Variants in NUP107 observed in about 807,000 individuals in gnomAD.
The protein encoded by NUP107 is nuclear pore complex protein Nup107.
A neutral mutation model predicts 141.0 loss-of-function variants in NUP107; 101 were observed. That is an observed-to-expected ratio of 0.72 (90% CI 0.61 to 0.84). NUP107 has a LOEUF of 0.84. Among genes scored for constraint, NUP107 ranks in the 40% least tolerant of loss-of-function variants. The probability of loss-of-function intolerance (pLI) is 0.00; values close to 1 mark genes in which losing one functional copy is unlikely to be tolerated. For missense variants in NUP107, 941 were observed against 1,102.7 expected, an observed-to-expected ratio of 0.85 and a Z score of 2.08; for synonymous variants, 319 against 363.9, an observed-to-expected ratio of 0.88 and a Z score of 1.41.
chr12:68,711,977 C>G (rs1355415156), intron 10 of NUP107, among the ~76,000 whole-genome samples: 1 of 152,132 alleles, frequency 6.6e-6, no homozygotes, highest in African/African-American at 2.4e-5. Context: ...GTCAAGAAGA[C>G]ACTTCTGTCC....
chr12:68,713,325 T>C (rs1390872021), intron 10 of NUP107, among the ~76,000 whole-genome samples: 1 of 147,740 alleles, frequency 6.8e-6, no homozygotes. Context: ...CAGTGAGTCA[T>C]GATTGTGCCA....
chr12:68,722,052 A>G (rs1473032474), intron 16 of NUP107, 52 bp from the exon 17 acceptor site: 7 of 1,609,874 alleles, frequency 4.3e-6, no homozygotes, highest in Admixed American at 1.7e-5. Flanking sequence ...TTCGTTTTAC[A>G]CCCCTTTTTC....
chr12:68,734,766 C>T lies in NUP107; in HGVS notation c.2321C>T (p.Pro774Leu), dbSNP rs1181383149. The T allele has an allele frequency of 1.9e-6, 3 of 1,613,336 alleles. No homozygotes were observed. The highest frequency in any genetic ancestry group is 2.5e-6 in the Non-Finnish European group (3 of 1,179,634). The stretch of plus-strand genomic sequence containing the variant: ...CATATGAATTCAGTTCCACAAAAAC[C>T]TGCTTTGATACCTCAACCAACTTTT... ...FKHMNSVPQK[P>L]ALIPQPTFTE... The change falls in exon 25 of 28, where the codon CCT becomes CTT. Residue 774 changes from proline (P) to leucine (L), a missense_variant. Coordinates refer to ENST00000229179, the MANE Select transcript of NUP107 (RefSeq NM_020401.4).
At chr12:68,689,427 G>C (rs1875667618) in intron 2 of NUP107, 106 bp from the exon 3 acceptor site, 1 of 676,022 alleles carries the variant, frequency 1.5e-6, no homozygotes, top group Non-Finnish European at 2.5e-6. Context: ...TAAAATACTT[G>C]TTCTTGAAAA....
rs1876989480 is a variant in NUP107 at position 68,713,883 on chromosome 12, TG to T, written c.969+77del. 38 of 1,177,238 alleles carry T rather than the reference TG, an allele frequency of 3.2e-5. 2 individuals carry two copies. The South Asian group carries it at 3.9e-4, about 12-fold the overall frequency. The allele number at this position is 1,177,238 out of a possible 1,614,324, so 72.9% of individuals were successfully genotyped here. A position where few individuals can be genotyped will look rare whatever the true frequency, so the allele number is the denominator to read the frequency against. ...TTTTCAGGCTGAGAATTTTTTCTCGTGGATCTTTGTTTTGCTCTTCTAAAGG... is the reference window on the plus strand; with the variant it reads ...TTTTCAGGCTGAGAATTTTTTCTCGTGATCTTTGTTTTGCTCTTCTAAAGG... On this transcript the variant is annotated intron_variant, in intron 11 of 27. Transcript: ENST00000229179.
intron 7 of NUP107, among the ~76,000 whole-genome samples, chr12:68,701,966 T>C (rs1241643192): frequency 6.6e-6 from 1 of 151,678 alleles, no homozygotes; most frequent in African/African-American, 2.4e-5. Flanking sequence ...CTGGCCACCA[T>C]GCCTAGCTAA....
Position 68,719,666 on chromosome 12 carries a change from A to T in NUP107, c.1251+12A>T. ...GAATGGCAGAAGATGTAAGATAAAT[A>T]AAATATTCAGTGATACTGTTTTTAA... On this transcript the variant is annotated intron_variant, in intron 14 of 27. Coordinates refer to ENST00000229179, the MANE Select transcript of NUP107 (RefSeq NM_020401.4). 1 of 1,570,710 alleles carries T rather than the reference A, an allele frequency of 6.4e-7. No homozygotes were observed. Among genetic ancestry groups the T allele is most frequent in the Non-Finnish European group, 8.8e-7 (1 of 1,140,844 alleles).
intron 7 of NUP107, 152 bp from the exon 8 acceptor site, chr12:68,702,584 A>T (rs1217928032): frequency 1.9e-6 from 1 of 524,572 alleles, no homozygotes; most frequent in Non-Finnish European, 3.4e-6. Flanking sequence ...ATTTTTGTTT[A>T]CAAAAATACA....
At position 68,726,616 on chromosome 12, in the gene NUP107, A is replaced by C. The variant is rs202152844; in HGVS notation, c.1694A>C (p.Lys565Thr). Residue 565 changes from lysine (K) to threonine (T), a missense_variant and splice_region_variant, in exon 19 of 28, where the codon AAG (lysine) becomes ACG (threonine). Physicochemically the swap from Lys to Thr is moderately conservative, Grantham distance 78. Transcript: ENST00000229179. ...LFFRTLGLQT[K>T]EEVSIEVLKT... Reference sequence around the variant, plus strand: ...TTCCGTACTCTGGGACTACAGACCAAGGTATATAAAAATGAACGATTTCTT... The same window carrying C: ...TTCCGTACTCTGGGACTACAGACCACGGTATATAAAAATGAACGATTTCTT... 3.8e-6 allele frequency: 6 copies of C among 1,576,166 alleles called. No individual in the cohort carries two copies. The African/African-American group carries it at 8.1e-5, about 21-fold the overall frequency.
intron 6 of NUP107, among the ~76,000 whole-genome samples, chr12:68,699,369 C>G (rs1212038079): frequency 6.6e-6 from 1 of 151,754 alleles, no homozygotes; most frequent in Non-Finnish European, 1.5e-5. Flanking sequence ...TGAGACTCCT[C>G]CGTCTCAAAA....
chr12:68,695,135 A>T (rs1028741817), intron 5 of NUP107, among the ~76,000 whole-genome samples: 1 of 152,230 alleles, frequency 6.6e-6, no homozygotes, highest in African/African-American at 2.4e-5. Context: ...ATTGACAACA[A>T]TGTGGAGAAA....
In NUP107 at chr12:68,729,794, C is replaced by CT. The variant is rs1253432702; in HGVS notation, c.1735-1302dup. ...CTAGGCTATTAATTTGTTTGTGAGTCTTTTTTTTTTTTTTGAGACGGAGTC... is the reference window on the plus strand; with the variant it reads ...CTAGGCTATTAATTTGTTTGTGAGTCTTTTTTTTTTTTTTTGAGACGGAGTC... On this transcript the variant is annotated intron_variant, in intron 20 of 27. Coordinates refer to ENST00000229179, the MANE Select transcript of NUP107 (RefSeq NM_020401.4). 1.2e-3 allele frequency among the ~76,000 whole-genome samples: 152 copies of CT among 128,218 alleles called. 1 individual carries two copies. Among genetic ancestry groups the CT allele is most frequent in the Middle Eastern group, 5.4e-3 (1 of 184 alleles). The allele number at this position is 128,218 out of a possible 152,430, so 84.1% of individuals were successfully genotyped here.
At chr12:68,689,709 G>A (rs1875686976) in intron 3 of NUP107, 90 bp downstream of exon 3, 2 of 827,416 alleles carry the variant, frequency 2.4e-6, no homozygotes, top group African/African-American at 3.5e-5. Context: ...ATAGTATTTG[G>A]TTACGATATC....
chr12:68,717,353 T>C (rs1877158282), intron 12 of NUP107, among the ~76,000 whole-genome samples: 1 of 152,208 alleles, frequency 6.6e-6, no homozygotes, highest in Non-Finnish European at 1.5e-5. Flanking sequence ...TTTAAGGTAG[T>C]TGCAGTCATA....
At chr12:68,696,770 C>T (rs1336317211) in intron 5 of NUP107, 49 bp from the exon 6 acceptor site, 12 of 978,610 alleles carry the variant, frequency 1.2e-5, no homozygotes, top group African/African-American at 3.3e-5. Context: ...CCTAGAAGTA[C>T]GTCACTTAAC....
chr12:68,711,219 C>G (rs1231096468), intron 10 of NUP107, among the ~76,000 whole-genome samples: 1 of 151,918 alleles, frequency 6.6e-6, no homozygotes, highest in Non-Finnish European at 1.5e-5. Context: ...GGCGTGGTGG[C>G]GGGCGCCTGT....
chr12:68,687,782 C>T (rs1318251770), intron 1 of NUP107: 5 of 407,970 alleles, frequency 1.2e-5, no homozygotes, highest in African/African-American at 2.2e-5. Context: ...ATTTAATCTT[C>T]AGAACAAGAA....
intron 12 of NUP107, among the ~76,000 whole-genome samples, chr12:68,718,783 A>G (rs988408944): frequency 6.6e-6 from 1 of 152,188 alleles, no homozygotes; most frequent in Non-Finnish European, 1.5e-5. Flanking sequence ...AATTTAAAAA[A>G]GAAAGAAAAA....
Position 68,706,929 on chromosome 12 carries a change from G to T in NUP107, c.730-2309G>T. ...GGGGGCCTCATAAGCCCTGGCCTCAGCTACAGCCTGGACTCCAGCTTTGGC... is the reference window on the plus strand; with the variant it reads ...GGGGGCCTCATAAGCCCTGGCCTCATCTACAGCCTGGACTCCAGCTTTGGC... On this transcript the variant is annotated intron_variant, in intron 8 of 27. Transcript: ENST00000229179. 3 of 698,722 alleles carry T rather than the reference G, an allele frequency of 4.3e-6. No individual in the cohort carries two copies. The Admixed American group carries it at 6.0e-5, about 14-fold the overall frequency. The allele number at this position is 698,722 out of a possible 1,614,324, so 43.3% of individuals were successfully genotyped here.
Sources: gnomAD v4.1 joint callset for allele counts (sites outside exome capture counted in the v4.1 genomes callset) on GRCh38, gnomAD v4.1.1 for gene constraint, MANE v1.5 for transcripts, NCBI Gene and HGNC (gene_info 2026-07-23, HGNC 2026-07-21) for gene names.